The following DNAJC3 variants were observed in gnomAD, a reference collection of about 807,000 sequenced individuals.
DNAJC3 encodes the protein DnaJ heat shock protein family (Hsp40) member C3, also known as dnaJ homolog subfamily C member 3.
A neutral mutation model predicts 68.6 loss-of-function variants in DNAJC3; 38 were observed. The observed-to-expected ratio is 0.55, with a 90% CI of 0.43 to 0.73. The LOEUF (loss-of-function observed/expected upper bound fraction) is 0.73. Among genes scored for constraint, DNAJC3 ranks in the 30% least tolerant of loss-of-function variants. DNAJC3 has a pLI of 0.00. For missense variants in DNAJC3, 526 were observed against 591.9 expected (o/e 0.89, Z 1.16); for synonymous variants, 203 against 204.0 (o/e 1.00, Z 0.04).
intron 4 of DNAJC3, among the ~76,000 whole-genome samples, chr13:95,740,345 G>C (rs375387816): frequency 0.068 from 10,245 of 150,602 alleles, 364 homozygotes; most frequent in East Asian, 0.14. Context: ...CCACCCAGTT[G>C]GAGCTTCCCG....
At chr13:95,702,386 C>A (rs1232209288) in intron 1 of DNAJC3, among the ~76,000 whole-genome samples, 1 of 152,174 alleles carries the variant, frequency 6.6e-6, no homozygotes, top group Admixed American at 6.5e-5. Context: ...CCGTACGTGC[C>A]TTTGTGCACA....
intron 1 of DNAJC3, among the ~76,000 whole-genome samples, chr13:95,681,706 ACTG>A (rs1879919799): frequency 6.6e-6 from 1 of 152,226 alleles, no homozygotes; most frequent in South Asian, 2.1e-4. Context: ...CACATTAAAT[ACTG>A]CTAACACTCC....
intron 2 of DNAJC3, among the ~76,000 whole-genome samples, chr13:95,713,373 G>C (rs1881037128): frequency 6.6e-6 from 1 of 151,846 alleles, no homozygotes; most frequent in Admixed American, 6.5e-5. Flanking sequence ...TAGCAACAGA[G>C]TCTCTCTATA....
intron 2 of DNAJC3, among the ~76,000 whole-genome samples, chr13:95,716,241 C>A (rs1026431152): frequency 6.6e-6 from 1 of 152,194 alleles, no homozygotes; most frequent in African/African-American, 2.4e-5. Context: ...ATCTCCCTTG[C>A]AGGGCGTGCA....
intron 9 of DNAJC3, 38 bp from the exon 10 acceptor site, chr13:95,785,901 T>A: frequency 6.6e-7 from 1 of 1,522,648 alleles, no homozygotes; most frequent in African/African-American, 1.4e-5. Flanking sequence ...TAAATTATAA[T>A]TTGCCTTAAC....
Position 95,679,199 on chromosome 13 carries a change from CTTTTTTT to C in DNAJC3, c.82+1877_82+1883del, listed in dbSNP as rs3086610. Among the ~76,000 whole-genome samples, 283 of 108,400 alleles carry C rather than the reference CTTTTTTT, an allele frequency of 2.6e-3. 4 individuals are homozygous for C. In the East Asian group the frequency reaches 0.031, roughly 12 times the overall value. The allele number at this position is 108,400 out of a possible 152,430, so 71.1% of individuals were successfully genotyped here. A position where few individuals can be genotyped will look rare whatever the true frequency, so the allele number is the denominator to read the frequency against. On this transcript the variant is annotated intron_variant, in intron 1 of 11. Transcript: ENST00000602402. ...TGGCAGCTGAGAAAAAAAATCAGCA[CTTTTTTT>C]TTTTTTTTTTTTTTGTAATTAACAA...
rs138671764 is a variant in DNAJC3 at position 95,733,839 on chromosome 13, G to A, written c.393+8587G>A. 3.3e-3 allele frequency among the ~76,000 whole-genome samples: 496 copies of A among 150,580 alleles called. 2 individuals carry two copies. Among genetic ancestry groups the A allele is most frequent in the African/African-American group, 0.012 (480 of 40,918 alleles). ...TTCTGTCCCTTTACTTTTAGTCTTC[G>A]TGTGTCTTTACAAGTGAAGGAAGTT... On this transcript the variant is annotated intron_variant, in intron 4 of 11. Coordinates refer to ENST00000602402, the MANE Select transcript of DNAJC3 (RefSeq NM_006260.5).
chr13:95,787,253 G>A, intron 11 of DNAJC3, 98 bp downstream of exon 11: 1 of 1,467,906 alleles, frequency 6.8e-7, no homozygotes. Flanking sequence ...TGTATAGGCA[G>A]TGACGGGTCC....
intron 4 of DNAJC3, among the ~76,000 whole-genome samples, chr13:95,743,860 C>T (rs1474543089): frequency 6.6e-6 from 1 of 152,130 alleles, no homozygotes; most frequent in East Asian, 1.9e-4. Flanking sequence ...CGCCCGGCTG[C>T]CTCCTGCTTA....
At position 95,791,017 on chromosome 13, in the gene DNAJC3, T is replaced by C; in HGVS notation, c.1502T>C (p.Phe501Ser). The part of the protein sequence containing the change: ...FSSGGPFRFK[F>S]HFN The stretch of plus-strand genomic sequence containing the variant: ...TCAGGCGGACCATTTAGATTTAAAT[T>C]CCACTTCAATTAAACCAACTGTTTT... Residue 501 changes from phenylalanine (F) to serine (S), a missense_variant, in exon 12 of 12, where the codon TTC becomes TCC. Physicochemically the swap from Phe to Ser is radical, Grantham distance 155 (BLOSUM62 -2). Transcript: ENST00000602402. The C allele has an allele frequency of 6.2e-7, 1 of 1,613,766 alleles. No individual in the cohort carries two copies. Among genetic ancestry groups the C allele is most frequent in the Non-Finnish European group, 8.5e-7 (1 of 1,179,914 alleles).
At chr13:95,694,957 G>A (rs1880393763) in intron 1 of DNAJC3, 1 of 152,520 alleles carries the variant, frequency 6.6e-6, no homozygotes, top group Non-Finnish European at 1.5e-5. Flanking sequence ...AGCGTTTATA[G>A]GCTACATACT....
At chr13:95,755,370 G>A (rs1284001518) in intron 4 of DNAJC3, among the ~76,000 whole-genome samples, 1 of 152,098 alleles carries the variant, frequency 6.6e-6, no homozygotes, top group Non-Finnish European at 1.5e-5. Flanking sequence ...AGGATTGCTT[G>A]AACTGAGGAG....
intron 10 of DNAJC3, 61 bp downstream of exon 10, chr13:95,786,132 C>T (rs1391823639): frequency 6.8e-7 from 1 of 1,461,942 alleles, no homozygotes. Flanking sequence ...CAAAGCTAAT[C>T]ATTGCTCTTT....
intron 1 of DNAJC3, among the ~76,000 whole-genome samples, chr13:95,680,722 T>C (rs951262729): frequency 6.6e-6 from 1 of 151,968 alleles, no homozygotes; most frequent in Non-Finnish European, 1.5e-5. Flanking sequence ...TGCACTGTAG[T>C]AATTAGGTTT....
At chr13:95,684,235 G>A (rs959699561) in intron 1 of DNAJC3, among the ~76,000 whole-genome samples, 10 of 152,284 alleles carry the variant, frequency 6.6e-5, no homozygotes, top group African/African-American at 1.7e-4. Context: ...CAGAATGACC[G>A]CAGATGAGGA....
chr13:95,707,939 G>A (rs1241944992), intron 1 of DNAJC3, among the ~76,000 whole-genome samples: 6 of 152,128 alleles, frequency 3.9e-5, no homozygotes, highest in Non-Finnish European at 8.8e-5. Flanking sequence ...ATAGGTGAGC[G>A]AAGGCTGGTT....
At chr13:95,755,487 A>G (rs113351517) in intron 4 of DNAJC3, among the ~76,000 whole-genome samples, 2,270 of 152,008 alleles carry the variant, frequency 0.015, 60 homozygotes, top group African/African-American at 0.052. Context: ...GGCCTGGCTC[A>G]GTGGCTCACG....
chr13:95,709,007 GA>G (rs879581624), intron 1 of DNAJC3, among the ~76,000 whole-genome samples: 9 of 152,046 alleles, frequency 5.9e-5, no homozygotes, highest in Admixed American at 5.9e-4. Context: ...ACATTCTTTT[GA>G]CTGATTAGGT....
At chr13:95,785,841 G>A in intron 9 of DNAJC3, 98 bp from the exon 10 acceptor site, 1 of 1,172,848 alleles carries the variant, frequency 8.5e-7, no homozygotes, top group South Asian at 1.8e-5. Flanking sequence ...GAGTGAAGGG[G>A]TTGGGGGATG....
Sources: allele counts gnomAD v4.1 joint callset (sites outside exome capture counted in the v4.1 genomes callset), GRCh38; gene constraint gnomAD v4.1.1; transcripts MANE v1.5; gene names NCBI Gene and HGNC (gene_info 2026-07-23, HGNC 2026-07-21).